The following CACUL1 variants were observed in gnomAD, a reference collection of about 807,000 sequenced individuals.
CACUL1 encodes CDK2 associated cullin domain 1, also known as CDK2-associated and cullin domain-containing protein 1.
A neutral mutation model predicts 45.2 loss-of-function variants in CACUL1; 13 were observed. That is an observed-to-expected ratio of 0.29 (90% CI 0.19 to 0.46). CACUL1 has a LOEUF of 0.46. Ranked by LOEUF, CACUL1 falls within the 20% of genes least tolerant of loss-of-function variation. The pLI, the probability that CACUL1 is intolerant of heterozygous loss-of-function variation, is 1.00. For synonymous variants in CACUL1, 197 were observed against 174.2 expected, an observed-to-expected ratio of 1.13 and a Z score of -1.03; for missense variants, 421 against 471.4, an observed-to-expected ratio of 0.89 and a Z score of 0.99.
At chr10:118,744,719 G>A (rs566612931) in intron 1 of CACUL1, among the ~76,000 whole-genome samples, 4 of 152,194 alleles carry the variant, frequency 2.6e-5, no homozygotes, top group East Asian at 3.9e-4. Context: ...GCAATGATGC[G>A]GTCTCAGCTC....
In CACUL1 at chr10:118,754,443, G is replaced by A; in HGVS notation, c.320C>T (p.Pro107Leu). 1 of 1,572,470 alleles carries A rather than the reference G, an allele frequency of 6.4e-7. No homozygotes were observed. Among genetic ancestry groups the A allele is most frequent in the South Asian group, 1.2e-5 (1 of 86,492 alleles). Residue 107 changes from proline (P) to leucine (L), a missense_variant, in exon 1 of 9, where the codon CCC becomes CTC. Transcript: ENST00000369151. ...GATGTTGATGGTGGAGCTGGCGGTG[G>A]GGGCGGGGGCCGCCTTGGCCACGGC... ...AAAVAKAAPA[P>L]TASSTININT...
intron 5 of CACUL1, 52 bp downstream of exon 5, chr10:118,701,254 A>C: frequency 9.6e-7 from 1 of 1,043,392 alleles, no homozygotes; most frequent in Non-Finnish European, 1.4e-6. Context: ...AAAAAAGAAA[A>C]AGGAAAGATC....
At chr10:118,729,464 A>G in intron 2 of CACUL1, 67 bp from the exon 3 acceptor site, 2 of 1,103,676 alleles carry the variant, frequency 1.8e-6, no homozygotes. Context: ...GTCCAAGGTT[A>G]AAGCACACTT....
At chr10:118,737,078 C>T (rs1845747203) in intron 1 of CACUL1, among the ~76,000 whole-genome samples, 1 of 151,160 alleles carries the variant, frequency 6.6e-6, no homozygotes, top group African/African-American at 2.4e-5. Flanking sequence ...AGAATGTATC[C>T]CTGTTGTTAA....
intron 3 of CACUL1, among the ~76,000 whole-genome samples, chr10:118,719,507 G>A (rs934452791): frequency 1.2e-4 from 18 of 152,070 alleles, no homozygotes; most frequent in African/African-American, 3.6e-4. Context: ...TGACAAAGAC[G>A]CTTCATAAAA....
At position 118,686,141 on chromosome 10, in the gene CACUL1, C is replaced by T. The variant is rs1189832940; in HGVS notation, c.1097G>A (p.Arg366Lys). 1 of 1,613,014 alleles carries T rather than the reference C, an allele frequency of 6.2e-7. No individual in the cohort carries two copies. The highest frequency in any genetic ancestry group is 8.5e-7 in the Non-Finnish European group (1 of 1,179,078). Residue 366 changes from arginine to lysine, a missense_variant, in exon 9 of 9, where the codon AGG becomes AAG. Coordinates refer to ENST00000369151, the MANE Select transcript of CACUL1 (RefSeq NM_153810.5). ...YNSSSACASS[R>K]GYR Reference sequence around the variant, plus strand: ...TCAATACATTCACTATCTGTACCCCCTGGAACTTGCACATGCTGACGAGCT... The same window carrying T: ...TCAATACATTCACTATCTGTACCCCTTGGAACTTGCACATGCTGACGAGCT...
chr10:118,691,309 T>C lies in CACUL1; in HGVS notation c.981A>G (p.Gln327=). The stretch of plus-strand genomic sequence containing the variant: ...TAAGTTCTCTTTGAAATTTCTGATC[T>C]TGAGCAGCATATTCAGAAAGTTCAG... ...VESELSEYAA[Q]DQKFQRELIQ... Residue 327 remains glutamine, a synonymous_variant, in exon 7 of 9, where the codon CAA becomes CAG. Transcript: ENST00000369151. 6.2e-7 allele frequency: 1 copy of C among 1,613,418 alleles called. No individual in the cohort carries two copies. The highest frequency in any genetic ancestry group is 8.5e-7 in the Non-Finnish European group (1 of 1,179,446).
In CACUL1 at chr10:118,691,411, G is replaced by A; in HGVS notation, c.887-8C>T. The A allele has an allele frequency of 1.2e-6, 2 of 1,605,884 alleles. No individual in the cohort carries two copies. The highest frequency in any genetic ancestry group is 1.7e-6 in the Non-Finnish European group (2 of 1,174,360). The stretch of plus-strand genomic sequence containing the variant: ...GAGCCATCTGAACCCACTCTGTGAG[G>A]AAAGGAAACAATTCATTAAGGAAAT... On this transcript the variant is annotated splice_region_variant and splice_polypyrimidine_tract_variant and intron_variant, in intron 6 of 8. Coordinates refer to ENST00000369151, the MANE Select transcript of CACUL1 (RefSeq NM_153810.5).
At chr10:118,741,680 C>T (rs1845794435) in intron 1 of CACUL1, among the ~76,000 whole-genome samples, 1 of 152,162 alleles carries the variant, frequency 6.6e-6, no homozygotes, top group Admixed American at 6.5e-5. Context: ...CATCTCTTGT[C>T]TAGATTACAG....
chr10:118,742,006 TAA>T (rs911969730), intron 1 of CACUL1, among the ~76,000 whole-genome samples: 5 of 152,236 alleles, frequency 3.3e-5, no homozygotes, highest in African/African-American at 1.2e-4. Flanking sequence ...TTCATTTTTA[TAA>T]AGACTCTCTT....
chr10:118,741,735 C>T (rs908700779), intron 1 of CACUL1, among the ~76,000 whole-genome samples: 2 of 152,134 alleles, frequency 1.3e-5, no homozygotes, highest in African/African-American at 4.8e-5. Context: ...ACTCTCTATC[C>T]GCTCTAAATT....
At chr10:118,711,934 G>C (rs1423971376) in intron 3 of CACUL1, among the ~76,000 whole-genome samples, 2 of 152,062 alleles carry the variant, frequency 1.3e-5, no homozygotes, top group East Asian at 3.9e-4. Context: ...TAATCAAATT[G>C]TTTCTCCTTA....
chr10:118,689,142 G>A (rs1393157959), intron 7 of CACUL1, among the ~76,000 whole-genome samples: 2 of 152,240 alleles, frequency 1.3e-5, no homozygotes, highest in Non-Finnish European at 2.9e-5. Context: ...GGGGGCATCA[G>A]TAGACACCAC....
rs1289393617 is a variant in CACUL1 at position 118,730,174 on chromosome 10, C to G, written c.494+110G>C. 8 of 1,170,232 alleles carry G rather than the reference C, an allele frequency of 6.8e-6. No homozygotes were observed. The Admixed American group carries it at 1.6e-4, about 23-fold the overall frequency. The allele number at this position is 1,170,232 out of a possible 1,614,324, so 72.5% of individuals were successfully genotyped here. ...AAGTGTGGAATACATAAAACACTTA[C>G]AGAGCCTCATCTTATGCATTCTACA... On this transcript the variant is annotated intron_variant, in intron 2 of 8. Transcript: ENST00000369151.
chr10:118,688,731 G>A (rs1332860265), intron 7 of CACUL1, among the ~76,000 whole-genome samples: 1 of 152,144 alleles, frequency 6.6e-6, no homozygotes, highest in Non-Finnish European at 1.5e-5. Flanking sequence ...TCCACCCCTC[G>A]CCAATCAATT....
chr10:118,741,619 T>C (rs1845794086), intron 1 of CACUL1, among the ~76,000 whole-genome samples: 1 of 152,192 alleles, frequency 6.6e-6, no homozygotes, highest in Non-Finnish European at 1.5e-5. Context: ...AGTCCCTAAA[T>C]ATCTCCAAAT....
At chr10:118,714,451 A>T (rs1845522317) in intron 3 of CACUL1, among the ~76,000 whole-genome samples, 1 of 152,248 alleles carries the variant, frequency 6.6e-6, no homozygotes, top group Non-Finnish European at 1.5e-5. Flanking sequence ...TCACAGTGGT[A>T]GATATAAATT....
chr10:118,701,868 C>T (rs1223998637), intron 4 of CACUL1, among the ~76,000 whole-genome samples: 1 of 152,146 alleles, frequency 6.6e-6, no homozygotes, highest in Non-Finnish European at 1.5e-5. Flanking sequence ...TCCCTGGGGA[C>T]CACCTTTGGT....
intron 1 of CACUL1, among the ~76,000 whole-genome samples, chr10:118,736,389 AT>A (rs753596455): frequency 5.5e-4 from 81 of 147,752 alleles, no homozygotes; most frequent in Middle Eastern, 3.5e-3. Flanking sequence ...ATTATTTATA[AT>A]TTTTTTTTTT....
Sources: allele counts gnomAD v4.1 joint callset (sites outside exome capture counted in the v4.1 genomes callset), GRCh38; gene constraint gnomAD v4.1.1; transcripts MANE v1.5; gene names NCBI Gene and HGNC (gene_info 2026-07-23, HGNC 2026-07-21).